FAM13A: variants seen among roughly 807,000 people sequenced by gnomAD.
FAM13A encodes the protein family with sequence similarity 13 member A, also known as protein FAM13A.
Under a neutral mutation model 129.6 loss-of-function variants are expected in FAM13A, and 76 were observed. The observed-to-expected ratio is 0.59, with a 90% CI of 0.49 to 0.71. FAM13A has a LOEUF of 0.71. Ranked by LOEUF, FAM13A falls within the 30% of genes least tolerant of loss-of-function variation. The pLI is 0.00. For synonymous variants in FAM13A, 443 were observed against 449.9 expected (o/e 0.98, Z 0.20); for missense variants, 1,108 against 1,249.3 (o/e 0.89, Z 1.70).
chr4:88,995,161 T>G (rs1474544907), intron 3 of FAM13A, among the ~76,000 whole-genome samples: 3 of 145,024 alleles, frequency 2.1e-5, no homozygotes, highest in East Asian at 3.9e-4. Flanking sequence ...TGCACAAATA[T>G]ACAAACAGTA....
rs72874163 is a variant in FAM13A at position 88,969,302 on chromosome 4, C to G, written c.605+21671G>C. On this transcript the variant is annotated intron_variant, in intron 4 of 23. Transcript: ENST00000264344. ...TCAGAAAAGTGACTTGTCCAGGCAG[C>G]ACAGATTTTCAGTGGCAAAGATGGG... 5.3e-3 allele frequency among the ~76,000 whole-genome samples: 801 copies of G among 152,242 alleles called. 8 individuals carry two copies. The highest frequency in any genetic ancestry group is 0.018 in the African/African-American group (767 of 41,532).
At chr4:88,803,112 G>T (rs780491378) in intron 8 of FAM13A, among the ~76,000 whole-genome samples, 1 of 152,134 alleles carries the variant, frequency 6.6e-6, no homozygotes, top group Non-Finnish European at 1.5e-5. Context: ...ATCTACTTCC[G>T]GTGAGTAACC....
At chr4:88,921,517 C>T (rs1316909377) in intron 5 of FAM13A, among the ~76,000 whole-genome samples, 1 of 152,006 alleles carries the variant, frequency 6.6e-6, no homozygotes, top group Non-Finnish European at 1.5e-5. Context: ...ATTTTGTCAC[C>T]ACCAGGCCTA....
Position 88,982,332 on chromosome 4 carries a change from T to C in FAM13A, c.605+8641A>G, listed in dbSNP as rs997767087. ...CTAAAGAGCCCAGTTCATTAACTAG[T>C]ACGATGGGCAGAGCCCATAAAACCT... On this transcript the variant is annotated intron_variant, in intron 4 of 23. Coordinates refer to ENST00000264344, the MANE Select transcript of FAM13A (RefSeq NM_014883.4). 3.9e-5 allele frequency among the ~76,000 whole-genome samples: 6 copies of C among 152,254 alleles called. No homozygotes were observed. The South Asian group carries it at 6.2e-4, about 16-fold the overall frequency.
chr4:88,985,309 A>G (rs575897877), intron 4 of FAM13A, among the ~76,000 whole-genome samples: 1 of 152,326 alleles, frequency 6.6e-6, no homozygotes, highest in East Asian at 1.9e-4. Flanking sequence ...GATTGGGAAG[A>G]AATGGGAAGT....
At chr4:89,049,998 T>C (rs745348151) in intron 1 of FAM13A, among the ~76,000 whole-genome samples, 4 of 152,196 alleles carry the variant, frequency 2.6e-5, no homozygotes, top group African/African-American at 9.7e-5. Flanking sequence ...TAAGATACGA[T>C]CTTTTCTGTC....
intron 7 of FAM13A, among the ~76,000 whole-genome samples, chr4:88,820,848 ACT>A (rs1284695686): frequency 6.6e-6 from 1 of 152,114 alleles, no homozygotes; most frequent in Non-Finnish European, 1.5e-5. Context: ...GAAGCATTGA[ACT>A]CTCTGCTAAA....
At chr4:88,768,119 C>T (rs1411779025) in intron 11 of FAM13A, 60 bp from the exon 12 acceptor site, 7 of 878,210 alleles carry the variant, frequency 8.0e-6, no homozygotes, top group Admixed American at 2.0e-5. Context: ...CAACGCAGAC[C>T]CTCCTTTCTT....
chr4:88,970,189 C>G (rs1759879154), intron 4 of FAM13A, among the ~76,000 whole-genome samples: 1 of 152,154 alleles, frequency 6.6e-6, no homozygotes, highest in South Asian at 2.1e-4. Flanking sequence ...TTGTTTACAT[C>G]TGAGAAAACC....
At position 88,800,709 on chromosome 4, in the gene FAM13A, A is replaced by G. The variant is rs540202283; in HGVS notation, c.1049+4302T>C. On this transcript the variant is annotated intron_variant, in intron 8 of 23. Coordinates refer to ENST00000264344, the MANE Select transcript of FAM13A (RefSeq NM_014883.4). The stretch of plus-strand genomic sequence containing the variant: ...CAGAAACAAAAACAAAAAAAAAAAA[A>G]GAAAAAAAAAAGAAAAAGAAACACT... Among the ~76,000 whole-genome samples, 7 of 150,464 alleles carry G rather than the reference A, an allele frequency of 4.7e-5. No homozygotes were observed. The South Asian group carries it at 1.1e-3, about 23-fold the overall frequency.
intron 17 of FAM13A, 30 bp from the exon 18 acceptor site, chr4:88,747,881 T>C (rs764467023): frequency 4.9e-6 from 7 of 1,433,948 alleles, no homozygotes; most frequent in Non-Finnish European, 5.8e-6. Context: ...GGTAAAGATA[T>C]ATGAGATTTA....
chr4:88,960,624 A>G, intron 4 of FAM13A, among the ~76,000 whole-genome samples: 1 of 152,166 alleles, frequency 6.6e-6, no homozygotes, highest in Non-Finnish European at 1.5e-5. Flanking sequence ...AAGAGGAGAG[A>G]AGAGAAAAGA....
chr4:88,800,314 T>C (rs1727157598), intron 8 of FAM13A, among the ~76,000 whole-genome samples: 1 of 152,192 alleles, frequency 6.6e-6, no homozygotes, highest in Admixed American at 6.5e-5. Context: ...CCTTTGTTTA[T>C]ATTTTACCAT....
rs80298903 is a variant in FAM13A, at chr4:88,833,329, C to T, written c.1007+17691G>A. ...GCAAACCACCATGGCATACGTTTAC[C>T]TATATAAACCTGCACACCCTGCACA... is the stretch of plus-strand genomic sequence containing the variant. On this transcript the variant is annotated intron_variant, in intron 7 of 23. Transcript: ENST00000264344. 8.8e-3 allele frequency among the ~76,000 whole-genome samples: 1,340 copies of T among 151,958 alleles called. 13 individuals are homozygous for T. The highest frequency in any genetic ancestry group is 0.031 in the African/African-American group (1,294 of 41,396).
At chr4:88,940,955 A>C (rs1754662204) in intron 4 of FAM13A, among the ~76,000 whole-genome samples, 3 of 152,230 alleles carry the variant, frequency 2.0e-5, no homozygotes, top group Admixed American at 6.5e-5. Context: ...TACAAAATGA[A>C]AGGATGATGT....
intron 4 of FAM13A, among the ~76,000 whole-genome samples, chr4:88,976,637 T>A (rs765164315): frequency 1.5e-4 from 22 of 150,108 alleles, no homozygotes; most frequent in Admixed American, 2.6e-4. Context: ...ATAGAGCAAT[T>A]ATTTTGTTAT....
chr4:89,011,473 C>A (rs1216359283), intron 3 of FAM13A, among the ~76,000 whole-genome samples: 2 of 152,158 alleles, frequency 1.3e-5, no homozygotes, highest in Non-Finnish European at 2.9e-5. Flanking sequence ...TAGATGTTCT[C>A]TCTGCATGTA....
chr4:88,742,763 T>C (rs1740529588), intron 19 of FAM13A, among the ~76,000 whole-genome samples: 1 of 152,210 alleles, frequency 6.6e-6, no homozygotes, highest in Middle Eastern at 3.2e-3. Flanking sequence ...ACATCTCTTA[T>C]TCTTGACTCA....
At chr4:88,804,413 G>T (rs1181549757) in intron 8 of FAM13A, among the ~76,000 whole-genome samples, 1 of 152,098 alleles carries the variant, frequency 6.6e-6, no homozygotes, top group Non-Finnish European at 1.5e-5. Context: ...ATGCAATAAG[G>T]AAGACTTGAT....
Sources: gnomAD v4.1 joint callset for allele counts (sites outside exome capture counted in the v4.1 genomes callset) on GRCh38, gnomAD v4.1.1 for gene constraint, MANE v1.5 for transcripts, NCBI Gene and HGNC (gene_info 2026-07-23, HGNC 2026-07-21) for gene names.